The following CELF2 variants were observed in gnomAD, a reference collection of about 807,000 sequenced individuals.
CELF2 encodes CUGBP Elav-like family member 2.
In CELF2, 8 loss-of-function variants were observed where a neutral mutation model predicts 62.6. That is an observed-to-expected ratio of 0.13 (90% confidence interval 0.07 to 0.23). The LOEUF is 0.23. Among genes scored for constraint, CELF2 ranks in the 10% least tolerant of loss-of-function variants. CELF2 has a pLI of 1.00. For synonymous variants in CELF2, 258 were observed against 250.0 expected (o/e 1.03, Z -0.30); for missense variants, 333 against 671.0 (o/e 0.50, Z 5.56).
At chr10:10,736,396 C>CTTTCTTTCT in the CELF2 span, among the ~76,000 whole-genome samples, 3,907 of 75,624 alleles carry the variant, frequency 0.052, 76 homozygotes, top group South Asian at 0.059. Context: ...TTCTTTCTTT[C>CTTTCTTTCT]TTTTTTTTTT....
Position 11,005,364 on chromosome 10 carries a change from T to C in CELF2, c.-24T>C. The C allele has an allele frequency of 1.2e-6, 2 of 1,613,740 alleles. No individual in the cohort carries two copies. The highest frequency in any genetic ancestry group is 1.7e-6 in the Non-Finnish European group (2 of 1,179,784). On this transcript the variant is annotated 5_prime_UTR_variant, in exon 1 of 13. Coordinates refer to the CELF2 transcript ENST00000416382. The surrounding 1 kb of genome is among the most constrained non-coding windows in gnomAD (Gnocchi z 4.3). ...TTGAGCATACTTCTGAACTGGCTTT[T>C]GTTGAGACTATCAGTATAGAAGCAT...
chr10:10,550,856 G>T, the CELF2 span, among the ~76,000 whole-genome samples: 1 of 152,042 alleles, frequency 6.6e-6, no homozygotes, highest in Non-Finnish European at 1.5e-5. Context: ...GAGCCACCAC[G>T]CCTGGCTAAT....
chr10:11,209,225 G>A (rs1289786508), intron 2 of CELF2, among the ~76,000 whole-genome samples: 1 of 152,196 alleles, frequency 6.6e-6, no homozygotes, highest in Non-Finnish European at 1.5e-5. Context: ...GAGGCAAGGG[G>A]ACTGGGCTTT....
the CELF2 span, among the ~76,000 whole-genome samples, chr10:10,626,906 G>A: frequency 6.6e-6 from 1 of 152,154 alleles, no homozygotes; most frequent in African/African-American, 2.4e-5. Context: ...GAGGATTTTT[G>A]TTTCCAGCAT....
At chr10:10,698,686 G>GA in the CELF2 span, among the ~76,000 whole-genome samples, 1 of 152,052 alleles carries the variant, frequency 6.6e-6, no homozygotes, top group East Asian at 1.9e-4. Context: ...TCACTTTACA[G>GA]AAAAGTCAGC....
At chr10:10,536,112 C>T in the CELF2 span, among the ~76,000 whole-genome samples, 2 of 151,696 alleles carry the variant, frequency 1.3e-5, no homozygotes, top group Admixed American at 6.6e-5. Context: ...CTCCGCCTCC[C>T]GAGTTCAAGC....
chr10:11,056,700 A>T (rs1424244043), intron 1 of CELF2, among the ~76,000 whole-genome samples: 9 of 152,242 alleles, frequency 5.9e-5, no homozygotes, highest in Admixed American at 5.2e-4. Flanking sequence ...ATTTAAGATG[A>T]AGCAGGATCA....
chr10:11,124,830 A>G lies in CELF2; in HGVS notation c.75-40656A>G, dbSNP rs12217195. ...TTCATAAATTCTTCTGATACTTTCT[A>G]TGGCTTATGGATAGCATATTTCACT... On this transcript the variant is annotated intron_variant, in intron 1 of 12. Coordinates refer to ENST00000633077, the MANE Select transcript of CELF2 (RefSeq NM_001326342.2). 2.8e-4 allele frequency among the ~76,000 whole-genome samples: 42 copies of G among 152,318 alleles called. No homozygotes were observed. In the East Asian group the frequency reaches 6.4e-3, roughly 23 times the overall value.
chr10:11,260,856 G>A lies in CELF2; in HGVS notation c.538+2984G>A, dbSNP rs140560348. On this transcript the variant is annotated intron_variant, in intron 5 of 12. Transcript: ENST00000633077. This position sits in a 1 kb window ranked among gnomAD's most constrained non-coding sequence, Gnocchi z 4.2. ...GGCCTGCTCCTGAATCAGTGTATTT[G>A]TTAAAAGCACAATTCTCTTTCATGC... is the stretch of plus-strand genomic sequence containing the variant. Among the ~76,000 whole-genome samples, 8 of 152,298 alleles carry A rather than the reference G, an allele frequency of 5.3e-5. No homozygotes were observed. Among genetic ancestry groups the A allele is most frequent in the African/African-American group, 1.2e-4 (5 of 41,568 alleles).
intron 1 of CELF2, among the ~76,000 whole-genome samples, chr10:11,025,370 A>C (rs2059021090): frequency 6.6e-6 from 1 of 151,962 alleles, no homozygotes; most frequent in Non-Finnish European, 1.5e-5. Flanking sequence ...GAGCAGGTGG[A>C]GGTAATTGAA....
chr10:10,547,471 GC>G, the CELF2 span, among the ~76,000 whole-genome samples: 2 of 152,136 alleles, frequency 1.3e-5, no homozygotes, highest in African/African-American at 4.8e-5. Context: ...AAAAAGCAAA[GC>G]GCACAAAAAG....
chr10:10,791,787 G>A, the CELF2 span, among the ~76,000 whole-genome samples: 1 of 152,174 alleles, frequency 6.6e-6, no homozygotes, highest in Non-Finnish European at 1.5e-5. Flanking sequence ...ATTCTTAGGA[G>A]TAAGAATTTG....
chr10:10,994,021 GAAAT>G (rs1235978413), intron 2 of CELF2, among the ~76,000 whole-genome samples: 2 of 152,160 alleles, frequency 1.3e-5, no homozygotes, highest in African/African-American at 4.8e-5. Flanking sequence ...AGAACTGTGA[GAAAT>G]AAATTTTTGT....
chr10:10,816,206 G>A (rs1300921358), intron 1 of CELF2, among the ~76,000 whole-genome samples: 1 of 152,124 alleles, frequency 6.6e-6, no homozygotes, highest in East Asian at 1.9e-4. Context: ...AGACAAATAA[G>A]CCAGTCCTGG....
rs141369554 is a variant in CELF2, at chr10:10,803,758, C to T, written c.53+4941C>T. On this transcript the variant is annotated intron_variant, in intron 1 of 13. Transcript: ENST00000636488. ...ATTATCTCTCTCCCCTATTAGAATG[C>T]ACTGTTTGTGTATTTAACTGTTACA... 8.3e-4 allele frequency among the ~76,000 whole-genome samples: 126 copies of T among 152,300 alleles called. 1 individual carries two copies. Among genetic ancestry groups the T allele is most frequent in the Admixed American group, 2.6e-3 (40 of 15,302 alleles).
the CELF2 span, among the ~76,000 whole-genome samples, chr10:10,763,066 T>C: frequency 6.6e-6 from 1 of 152,260 alleles, no homozygotes; most frequent in South Asian, 2.1e-4. Context: ...ACATGCGATC[T>C]CTGCTTAGCC....
rs373623767 is a variant in CELF2 at position 11,068,124 on chromosome 10, C to T, written c.74+49961C>T. Among the ~76,000 whole-genome samples, 327 of 152,272 alleles carry T rather than the reference C, an allele frequency of 2.1e-3. 1 individual carries two copies. Among genetic ancestry groups the T allele is most frequent in the African/African-American group, 7.4e-3 (307 of 41,544 alleles). Reference sequence around the variant, plus strand: ...AAATTTAGACTCATTTTCCCAGGTCCCTGTTGAGAACCTACTGTGTGTCAT... The same window carrying T: ...AAATTTAGACTCATTTTCCCAGGTCTCTGTTGAGAACCTACTGTGTGTCAT... On this transcript the variant is annotated intron_variant, in intron 1 of 12. Coordinates refer to ENST00000633077, the MANE Select transcript of CELF2 (RefSeq NM_001326342.2).
rs2066877941 is a variant in CELF2 at position 11,227,037 on chromosome 10, A to G, written c.354+9530A>G. Among the ~76,000 whole-genome samples, 1 of 152,146 alleles carries G rather than the reference A, an allele frequency of 6.6e-6. No individual in the cohort carries two copies. ...ATTGCTCTGCTTCCGTGTTCCACAGACAGGGGAAGGGCAAGTATGGAGGCT... is the reference window on the plus strand; with the variant it reads ...ATTGCTCTGCTTCCGTGTTCCACAGGCAGGGGAAGGGCAAGTATGGAGGCT... On this transcript the variant is annotated intron_variant, in intron 3 of 12. Coordinates refer to ENST00000633077, the MANE Select transcript of CELF2 (RefSeq NM_001326342.2). The surrounding 1 kb of genome is among the most constrained non-coding windows in gnomAD (Gnocchi z 4.8).
the CELF2 span, among the ~76,000 whole-genome samples, chr10:10,736,401 T>TTCTTTC: frequency 1.4e-5 from 2 of 147,602 alleles, no homozygotes; most frequent in East Asian, 1.9e-4. Flanking sequence ...TCTTTCTTTT[T>TTCTTTC]TTTTTTTTTG....
Sources: allele counts gnomAD v4.1 joint callset (sites outside exome capture counted in the v4.1 genomes callset), GRCh38; gene constraint gnomAD v4.1.1; non-coding constraint Gnocchi (gnomAD v3.1); transcripts MANE v1.5; gene names NCBI Gene and HGNC (gene_info 2026-07-23, HGNC 2026-07-21).